The following DAB1 variants were observed in gnomAD, a reference collection of about 807,000 sequenced individuals.
DAB1 encodes the protein disabled homolog 1.
In DAB1, 15 loss-of-function variants were observed where a neutral mutation model predicts 64.6. The ratio of observed to expected loss-of-function variants is 0.23; its 90% CI spans 0.16 to 0.36. The LOEUF (loss-of-function observed/expected upper bound fraction) is 0.36, where lower values mean the gene tolerates loss of function less well. DAB1 is among the 10% of genes least tolerant of loss of function. DAB1 has a pLI of 1.00. For synonymous variants in DAB1, 235 were observed against 251.9 expected, an observed-to-expected ratio of 0.93 and a Z score of 0.64; for missense variants, 596 against 706.7, an observed-to-expected ratio of 0.84 and a Z score of 1.78.
At chr1:58,032,551 T>C (rs531697821) in intron 5 of DAB1, among the ~76,000 whole-genome samples, 4 of 152,310 alleles carry the variant, frequency 2.6e-5, no homozygotes, top group African/African-American at 9.6e-5. Context: ...TGGTATTTTA[T>C]AAATGTCTAT....
At chr1:57,003,194 C>T (rs1273617876) in intron 14 of DAB1, among the ~76,000 whole-genome samples, 1 of 152,224 alleles carries the variant, frequency 6.6e-6, no homozygotes, top group Non-Finnish European at 1.5e-5. Flanking sequence ...CTGTGGATAA[C>T]AGAAACTTCC....
At chr1:58,023,789 A>T (rs1444164863) in intron 5 of DAB1, among the ~76,000 whole-genome samples, 1 of 152,200 alleles carries the variant, frequency 6.6e-6, no homozygotes, top group Non-Finnish European at 1.5e-5. Context: ...ATTGCCTTGG[A>T]CCCAGCATCT....
intron 4 of DAB1, among the ~76,000 whole-genome samples, chr1:58,249,266 T>C (rs765143751): frequency 6.6e-6 from 1 of 151,888 alleles, no homozygotes; most frequent in Non-Finnish European, 1.5e-5. Flanking sequence ...TAATCTTAAA[T>C]TCCCAGAAAT....
chr1:57,329,954 A>G (rs1192337003), intron 1 of DAB1, among the ~76,000 whole-genome samples: 1 of 152,244 alleles, frequency 6.6e-6, no homozygotes, highest in Non-Finnish European at 1.5e-5. Flanking sequence ...CACATCCCTC[A>G]AATGAGTATT....
intron 3 of DAB1, among the ~76,000 whole-genome samples, chr1:58,380,312 T>G (rs1045279864): frequency 6.6e-6 from 1 of 152,214 alleles, no homozygotes; most frequent in Non-Finnish European, 1.5e-5. Flanking sequence ...CCCAGTGCTC[T>G]CTCTCTCTCA....
At chr1:57,394,746 C>G (rs987416455) in intron 1 of DAB1, among the ~76,000 whole-genome samples, 1 of 152,184 alleles carries the variant, frequency 6.6e-6, no homozygotes, top group Non-Finnish European at 1.5e-5. Flanking sequence ...ATACTTGTTT[C>G]TAGCAGGACT....
chr1:57,380,397 G>A (rs150533467), intron 1 of DAB1, among the ~76,000 whole-genome samples: 13 of 152,204 alleles, frequency 8.5e-5, no homozygotes, highest in East Asian at 1.9e-4. Flanking sequence ...CCTTAGAACC[G>A]TCTTACCCAA....
chr1:57,145,001 TG>T (rs1658978056), intron 3 of DAB1, among the ~76,000 whole-genome samples: 1 of 152,214 alleles, frequency 6.6e-6, no homozygotes, highest in Non-Finnish European at 1.5e-5. Context: ...GATAATTTTT[TG>T]CTTTTATTTT....
intron 7 of DAB1, chr1:57,606,133 CT>C: frequency 2.9e-6 from 1 of 347,382 alleles, no homozygotes; most frequent in Non-Finnish European, 5.5e-6. Flanking sequence ...ACTGCAGCTC[CT>C]TAAAGTGATG....
intron 7 of DAB1, among the ~76,000 whole-genome samples, chr1:57,456,384 A>C (rs1686593600): frequency 6.6e-6 from 1 of 152,208 alleles, no homozygotes; most frequent in African/African-American, 2.4e-5. Context: ...CAAATCAGTC[A>C]TAATCAGAAA....
chr1:57,205,423 G>T (rs1665458614), intron 2 of DAB1, among the ~76,000 whole-genome samples: 1 of 152,186 alleles, frequency 6.6e-6, no homozygotes, highest in East Asian at 1.9e-4. Context: ...GGGTCAGAAA[G>T]GTTCTCGGCA....
chr1:58,497,017 G>A (rs1645813653), intron 3 of DAB1, among the ~76,000 whole-genome samples: 1 of 152,146 alleles, frequency 6.6e-6, no homozygotes, highest in Non-Finnish European at 1.5e-5. Context: ...ACCAGATGTG[G>A]GGCAGCCAGG....
At chr1:57,301,961 A>C (rs1457959299) in intron 1 of DAB1, among the ~76,000 whole-genome samples, 1 of 152,152 alleles carries the variant, frequency 6.6e-6, no homozygotes, top group Non-Finnish European at 1.5e-5. Flanking sequence ...GCTTCCTCTC[A>C]TCACTGATAA....
In DAB1 at chr1:57,712,280, C is replaced by T. The variant is rs530104419; in HGVS notation, n.552-62615G>A. 5.9e-5 allele frequency among the ~76,000 whole-genome samples: 9 copies of T among 152,186 alleles called. No homozygotes were observed. In the East Asian group the frequency reaches 1.5e-3, roughly 26 times the overall value. On this transcript the variant is annotated intron_variant and non_coding_transcript_variant, in intron 6 of 20. Coordinates refer to the DAB1 transcript ENST00000485760. ...AATGAGAATACCCACCAAAGTGAGG[C>T]CTACCTACAAAAATGTACTCCTTGT...
chr1:57,060,063 A>C (rs1352804245), intron 9 of DAB1, among the ~76,000 whole-genome samples: 1 of 152,048 alleles, frequency 6.6e-6, no homozygotes, highest in African/African-American at 2.4e-5. Context: ...AAATATGGGG[A>C]CTTTCTTAAT....
rs34829466 is a variant in DAB1 at position 57,221,889 on chromosome 1, A to ATTTT, written c.67+69071_67+69074dup. ...CTAAAATGGCCAGTAGTTAAATGTC[A>ATTTT]TTTTTTTTTTTTTGCTTTATAGATT... On this transcript the variant is annotated intron_variant, in intron 2 of 14. Transcript: ENST00000371236. 7.4e-3 allele frequency among the ~76,000 whole-genome samples: 1,067 copies of ATTTT among 144,770 alleles called. 29 individuals carry two copies. The East Asian group carries it at 0.075, about 10-fold the overall frequency. 95.0% of individuals were successfully genotyped at this position (144,770 alleles called of 152,430 possible). A position where few individuals can be genotyped will look rare whatever the true frequency, so the allele number is the denominator to read the frequency against.
At chr1:57,416,185 G>T (rs1684479742) in intron 1 of DAB1, among the ~76,000 whole-genome samples, 1 of 152,100 alleles carries the variant, frequency 6.6e-6, no homozygotes, top group South Asian at 2.1e-4. Context: ...TATGAATATA[G>T]TCTGAGACAA....
chr1:57,832,156 G>T (rs1413658753), intron 1 of DAB1, among the ~76,000 whole-genome samples: 1 of 152,174 alleles, frequency 6.6e-6, no homozygotes, highest in Non-Finnish European at 1.5e-5. Context: ...AGTACAAAGA[G>T]CCATGCCAGT....
intron 3 of DAB1, among the ~76,000 whole-genome samples, chr1:58,401,819 T>C (rs542715613): frequency 6.6e-6 from 1 of 152,368 alleles, no homozygotes; most frequent in South Asian, 2.1e-4. Flanking sequence ...TGATGTCTTT[T>C]TAAAATACAT....
Sources: gnomAD v4.1 joint callset for allele counts (sites outside exome capture counted in the v4.1 genomes callset) on GRCh38, gnomAD v4.1.1 for gene constraint, MANE v1.5 for transcripts, NCBI Gene and HGNC (gene_info 2026-07-23, HGNC 2026-07-21) for gene names.